The following MINK1 variants were observed in gnomAD, a reference collection of about 807,000 sequenced individuals.
The protein encoded by MINK1 is misshapen-like kinase 1.
In MINK1, 46 loss-of-function variants were observed where a neutral mutation model predicts 178.4. That is an observed-to-expected ratio of 0.26 (90% confidence interval 0.20 to 0.33). The LOEUF (loss-of-function observed/expected upper bound fraction) is 0.33, where lower values mean the gene tolerates loss of function less well. Among genes scored for constraint, MINK1 ranks in the 10% least tolerant of loss-of-function variants. MINK1 has a pLI of 1.00. For synonymous variants in MINK1, 797 were observed against 709.7 expected (o/e 1.12, Z -1.96); for missense variants, 1,366 against 1,814.9 (o/e 0.75, Z 4.49).
chr17:4,885,189 C>T lies in MINK1; in HGVS notation c.508+187C>T. 6.6e-6 allele frequency among the ~76,000 whole-genome samples: 1 copy of T among 152,218 alleles called. No homozygotes were observed. Among genetic ancestry groups the T allele is most frequent in the East Asian group, 1.9e-4 (1 of 5,188 alleles). On this transcript the variant is annotated intron_variant, in intron 6 of 31. Transcript: ENST00000355280. The surrounding 1 kb of genome is among the most constrained non-coding windows in gnomAD (Gnocchi z 5.0). ...TGAAAATCCCTCAGGAAGCTCTTCACCTGTCACCTGTTACGGGCCAGGTGC... is the reference window on the plus strand; with the variant it reads ...TGAAAATCCCTCAGGAAGCTCTTCATCTGTCACCTGTTACGGGCCAGGTGC...
In MINK1 at chr17:4,879,074, C is replaced by T. The variant is rs371288675; in HGVS notation, c.123+692C>T. On this transcript the variant is annotated intron_variant, in intron 2 of 31. Transcript: ENST00000355280. ...GGAGTGAGGTGGCCTGACCACTGCT[C>T]ACACTTGGATTGTGGGAGCCGCTGC... 2.1e-3 allele frequency among the ~76,000 whole-genome samples: 305 copies of T among 144,506 alleles called. 2 individuals carry two copies. Among genetic ancestry groups the T allele is most frequent in the African/African-American group, 6.5e-3 (249 of 38,522 alleles). 94.8% of individuals were successfully genotyped at this position (144,506 alleles called of 152,430 possible).
At position 4,842,222 on chromosome 17, in the gene MINK1, C is replaced by CAAA. The variant is rs144657930; in HGVS notation, c.57+8595_57+8597dup. ...CTGGGCGACAGAGCGAGACTCTGTC[C>CAAA]AAAAAAAAAAAAAAACTGCCTTGGG... On this transcript the variant is annotated intron_variant, in intron 1 of 31. Transcript: ENST00000355280. 9.4e-5 allele frequency among the ~76,000 whole-genome samples: 12 copies of CAAA among 127,178 alleles called. 1 individual carries two copies. The highest frequency in any genetic ancestry group is 1.6e-4 in the Admixed American group (2 of 12,436). The allele number at this position is 127,178 out of a possible 152,430, so 83.4% of individuals were successfully genotyped here.
At chr17:4,867,077 TAATA>T (rs1915107790) in intron 1 of MINK1, among the ~76,000 whole-genome samples, 1 of 137,742 alleles carries the variant, frequency 7.3e-6, no homozygotes, top group Non-Finnish European at 1.5e-5. Context: ...CGTCTCAAAA[TAATA>T]ATAATAATAA....
intron 4 of MINK1, 143 bp downstream of exon 4, chr17:4,881,400 C>A: frequency 1.1e-6 from 1 of 915,726 alleles, no homozygotes; most frequent in South Asian, 1.7e-5. Context: ...TCCCTGGACC[C>A]AGAGGGGCCT....
intron 1 of MINK1, among the ~76,000 whole-genome samples, chr17:4,874,064 G>A (rs1451625467): frequency 6.6e-6 from 1 of 152,138 alleles, no homozygotes; most frequent in African/African-American, 2.4e-5. Context: ...ACCACACCAA[G>A]CAGCATTTCA....
rs534162427 is a variant in MINK1, at chr17:4,865,510, C to A, written c.58-12807C>A. ...AAAGTTTCAAGGATTTTTTTTTCTTCCCCTTTTTCTCATAAGGACAAATGT... is the reference window on the plus strand; with the variant it reads ...AAAGTTTCAAGGATTTTTTTTTCTTACCCTTTTTCTCATAAGGACAAATGT... On this transcript the variant is annotated intron_variant, in intron 1 of 31. Transcript: ENST00000355280. Among the ~76,000 whole-genome samples, 23 of 151,522 alleles carry A rather than the reference C, an allele frequency of 1.5e-4. 1 individual carries two copies. The highest frequency in any genetic ancestry group is 5.6e-4 in the African/African-American group (23 of 41,358).
Position 4,886,096 on chromosome 17 carries a change from T to C in MINK1, c.695-24T>C. 6.2e-7 allele frequency: 1 copy of C among 1,613,064 alleles called. No homozygotes were observed. The highest frequency in any genetic ancestry group is 2.2e-5 in the East Asian group (1 of 44,856). ...TAGCTCCCAGTGCAGTGAAAGGGAC[T>C]GAGGGTGTCTCCTCTGTGTCCAGCT... On this transcript the variant is annotated intron_variant, in intron 8 of 31. Transcript: ENST00000355280. This position sits in a 1 kb window ranked among gnomAD's most constrained non-coding sequence, Gnocchi z 6.1.
At position 4,889,858 on chromosome 17, in the gene MINK1, C is replaced by G. The variant is rs528500584; in HGVS notation, c.1347+95C>G. Reference sequence around the variant, plus strand: ...GTGCCCTTCCCCCTTCTCTCCCCCACCCCCAGATTCCTCCTATCTTTTCTA... The same window carrying G: ...GTGCCCTTCCCCCTTCTCTCCCCCAGCCCCAGATTCCTCCTATCTTTTCTA... On this transcript the variant is annotated intron_variant, in intron 13 of 31. Transcript: ENST00000355280. The G allele has an allele frequency of 7.2e-6, 6 of 833,892 alleles. No homozygotes were observed. The Admixed American group carries it at 1.1e-4, about 15-fold the overall frequency. 51.7% of individuals were successfully genotyped at this position (833,892 alleles called of 1,614,324 possible). A position where few individuals can be genotyped will look rare whatever the true frequency, so the allele number is the denominator to read the frequency against.
At chr17:4,884,659 C>T (rs1887242009) in intron 5 of MINK1, among the ~76,000 whole-genome samples, 186 bp downstream of exon 5, 1 of 152,164 alleles carries the variant, frequency 6.6e-6, no homozygotes, top group South Asian at 2.1e-4. Flanking sequence ...TTGGAGGAGA[C>T]AAGCTCCTGT....
intron 18 of MINK1, 23 bp downstream of exon 18, chr17:4,892,535 C>T: frequency 6.5e-7 from 1 of 1,538,424 alleles, no homozygotes; most frequent in South Asian, 1.2e-5. Flanking sequence ...TCCCCCAACT[C>T]ACTCTCACCT....
Position 4,887,152 on chromosome 17 carries a change from A to T in MINK1, c.992A>T (p.Asp331Val). 11 of 1,605,010 alleles carry T rather than the reference A, an allele frequency of 6.9e-6. No homozygotes were observed. Among genetic ancestry groups the T allele is most frequent in the Non-Finnish European group, 9.4e-6 (11 of 1,175,998 alleles). ...TACAGCGGCAGCGAGGAGGAAGATG[A>T]CAGCCATGGAGAGGAAGGAGAGCCA... Reference protein sequence around the residue: ...YEYSGSEEEDDSHGEEGEPSS... With the variant: ...YEYSGSEEEDVSHGEEGEPSS... The change falls in exon 11 of 32, where the codon GAC becomes GTC. Residue 331 changes from aspartate (D) to valine (V), a missense_variant. Coordinates refer to ENST00000355280, the MANE Select transcript of MINK1 (RefSeq NM_153827.5). The surrounding 1 kb of genome is among the most constrained non-coding windows in gnomAD (Gnocchi z 7.6).
At chr17:4,893,352 C>T in intron 20 of MINK1, 82 bp from the exon 21 acceptor site, 1 of 1,612,802 alleles carries the variant, frequency 6.2e-7, no homozygotes, top group Non-Finnish European at 8.5e-7. Flanking sequence ...TCCTGTCGCC[C>T]TGCTGGGGTG....
chr17:4,886,311 G>T lies in MINK1; in HGVS notation c.773+113G>T. ...TCTCACCAGAGAAGAGATTCTGGGG[G>T]GCAGAGGGCGGTGACTGGTGTTGGG... is the stretch of plus-strand genomic sequence containing the variant. On this transcript the variant is annotated intron_variant, in intron 9 of 31. Coordinates refer to ENST00000355280, the MANE Select transcript of MINK1 (RefSeq NM_153827.5). This position sits in a 1 kb window ranked among gnomAD's most constrained non-coding sequence, Gnocchi z 6.1. 1.3e-6 allele frequency: 2 copies of T among 1,505,908 alleles called. No homozygotes were observed. Among genetic ancestry groups the T allele is most frequent in the Non-Finnish European group, 1.8e-6 (2 of 1,084,502 alleles). The allele number at this position is 1,505,908 out of a possible 1,614,324, so 93.3% of individuals were successfully genotyped here. A position where few individuals can be genotyped will look rare whatever the true frequency, so the allele number is the denominator to read the frequency against.
Position 4,833,569 on chromosome 17 carries a change from T to G in MINK1, c.-15T>G, listed in dbSNP as rs1298689856. On this transcript the variant is annotated 5_prime_UTR_variant, in exon 1 of 32. Coordinates refer to ENST00000355280, the MANE Select transcript of MINK1 (RefSeq NM_153827.5). The surrounding 1 kb of genome is among the most constrained non-coding windows in gnomAD (Gnocchi z 4.8). ...GAGCGTGAGCGGCCCCGGTGCCCCG[T>G]TCCCCACGGAGGCCATGGGCGACCC... The G allele has an allele frequency of 1.0e-5, 15 of 1,495,102 alleles. No individual in the cohort carries two copies. The highest frequency in any genetic ancestry group is 2.1e-5 in the Admixed American group (1 of 46,866). The allele number at this position is 1,495,102 out of a possible 1,614,324, so 92.6% of individuals were successfully genotyped here.
In MINK1 at chr17:4,892,760, G is replaced by A. The variant is rs374378662; in HGVS notation, c.2303G>A (p.Arg768His). 7.8e-5 allele frequency: 125 copies of A among 1,606,414 alleles called. No homozygotes were observed. The highest frequency in any genetic ancestry group is 4.2e-4 in the East Asian group (19 of 44,822). The change falls in exon 19 of 32, where the codon CGC becomes CAC. Residue 768 changes from arginine to histidine, a missense_variant. Physicochemically the swap from Arg to His is conservative, Grantham distance 29 (BLOSUM62 0). This residue lies in a region of MINK1 where 709 missense variants were observed against 692.3 expected (regional missense o/e 1.02). Coordinates refer to ENST00000355280, the MANE Select transcript of MINK1 (RefSeq NM_153827.5). ...CAGGCTGGCTCACTGGAGCGGAACC[G>A]CGTGGGAGGTATGTGAGCCAGGGCT... is the stretch of plus-strand genomic sequence containing the variant. ...LPQAGSLERN[R>H]VGVSSKPDSS...
rs1969563409 is a variant in MINK1, at chr17:4,896,881, G to A, written c.3915+68G>A. 10 of 1,495,554 alleles carry A rather than the reference G, an allele frequency of 6.7e-6. No homozygotes were observed. In the South Asian group the frequency reaches 9.7e-5, roughly 15 times the overall value. 92.6% of individuals were successfully genotyped at this position (1,495,554 alleles called of 1,614,324 possible). ...CCATGACCCTAGGCCCCTGGGCAGA[G>A]TTCTGGGGAGAGGATGGTGGTGGTG... On this transcript the variant is annotated intron_variant, in intron 31 of 31. Transcript: ENST00000355280. This position sits in a 1 kb window ranked among gnomAD's most constrained non-coding sequence, Gnocchi z 4.6.
intron 15 of MINK1, 57 bp from the exon 16 acceptor site, chr17:4,891,399 G>T: frequency 6.6e-7 from 1 of 1,506,430 alleles, no homozygotes; most frequent in Non-Finnish European, 8.9e-7. Flanking sequence ...ACCCCAATTC[G>T]CAGGTGGGGA....
In MINK1 at chr17:4,893,492, C is replaced by G. The variant is rs370773766; in HGVS notation, c.2459C>G (p.Ala820Gly). The change falls in exon 21 of 32, where the codon GCC becomes GGC. Residue 820 changes from alanine (A) to glycine (G), a missense_variant. Ala to Gly is a moderately conservative substitution (Grantham distance 60). Transcript: ENST00000355280. ...LDEAPRPPKK[A>G]MDYSSSSEEV... Reference sequence around the variant, plus strand: ...GAGGCCCCTCGGCCTCCCAAGAAGGCCATGGACTACTCGTCGTCCAGCGAG... The same window carrying G: ...GAGGCCCCTCGGCCTCCCAAGAAGGGCATGGACTACTCGTCGTCCAGCGAG... The G allele has an allele frequency of 6.3e-7, 1 of 1,599,740 alleles. No homozygotes were observed.
chr17:4,876,247 C>G (rs1296611092), intron 1 of MINK1, among the ~76,000 whole-genome samples: 2 of 152,194 alleles, frequency 1.3e-5, no homozygotes, highest in Non-Finnish European at 2.9e-5. Flanking sequence ...GGGCTGTTTC[C>G]TCAGGCTGCC....
Sources: gnomAD v4.1 joint callset for allele counts (sites outside exome capture counted in the v4.1 genomes callset) on GRCh38, gnomAD v4.1.1 for gene constraint, gnomAD v4.1.1 regional missense constraint, Gnocchi (gnomAD v3.1) non-coding constraint, MANE v1.5 for transcripts, NCBI Gene and HGNC (gene_info 2026-07-23, HGNC 2026-07-21) for gene names.